The following GABBR2 variants were observed in gnomAD, a reference collection of about 807,000 sequenced individuals.
GABBR2 encodes G-protein coupled receptor 51.
A neutral mutation model predicts 105.6 loss-of-function variants in GABBR2; 23 were observed. The ratio of observed to expected loss-of-function variants is 0.22; its 90% CI spans 0.16 to 0.31. The LOEUF is 0.31. Ranked by LOEUF, GABBR2 falls within the 10% of genes least tolerant of loss-of-function variation. The pLI is 1.00. For missense variants in GABBR2, 734 were observed against 1,245.5 expected, an observed-to-expected ratio of 0.59 and a Z score of 6.18; for synonymous variants, 478 against 499.7, an observed-to-expected ratio of 0.96 and a Z score of 0.58.
intron 7 of GABBR2, among the ~76,000 whole-genome samples, chr9:98,415,908 C>G (rs1832682224): frequency 6.6e-6 from 1 of 152,132 alleles, no homozygotes; most frequent in African/African-American, 2.4e-5. Context: ...AGAAAATGAG[C>G]TCTCTGCAGG....
intron 7 of GABBR2, among the ~76,000 whole-genome samples, chr9:98,448,919 T>TAAAA (rs10623958): frequency 6.8e-6 from 1 of 146,496 alleles, no homozygotes. Context: ...GGAAAGAGTT[T>TAAAA]AAAAAAAAAA....
At chr9:98,440,213 T>A (rs56305554) in intron 7 of GABBR2, among the ~76,000 whole-genome samples, 75,073 of 151,454 alleles carry the variant, frequency 0.5, 19,255 homozygotes, top group East Asian at 0.89. Flanking sequence ...TTCTTGCTCT[T>A]GTTCTGTCCC....
chr9:98,679,331 T>C (rs940526501), intron 1 of GABBR2, among the ~76,000 whole-genome samples: 1 of 152,226 alleles, frequency 6.6e-6, no homozygotes, highest in African/African-American at 2.4e-5. Flanking sequence ...GAATGCTCTA[T>C]AAGGCAGCTG....
chr9:98,575,746 GTGTGGTTAGGTT>G (rs1828898000), intron 2 of GABBR2, among the ~76,000 whole-genome samples: 2 of 152,210 alleles, frequency 1.3e-5, no homozygotes, highest in African/African-American at 2.4e-5. Flanking sequence ...GCTTTCAGGT[GTGTGGTTAGGTT>G]TGTGGTTAGG....
chr9:98,635,542 A>G (rs1014521535), intron 1 of GABBR2, among the ~76,000 whole-genome samples: 1 of 152,204 alleles, frequency 6.6e-6, no homozygotes, highest in African/African-American at 2.4e-5. Context: ...GTCATACTCT[A>G]ACTTCAACAA....
intron 2 of GABBR2, among the ~76,000 whole-genome samples, chr9:98,563,820 T>C (rs1208399693): frequency 6.6e-6 from 1 of 152,154 alleles, no homozygotes; most frequent in African/African-American, 2.4e-5. Flanking sequence ...AATAATGTAA[T>C]CATCTTAGGA....
rs1473601352 is a variant in GABBR2, at chr9:98,549,254, A to G, written c.460-7211T>C. The stretch of plus-strand genomic sequence containing the variant: ...AGCCACTGTGCCTGGCTTCTTTTCC[A>G]TGTTTTGATAGTTTCAAAGGAAAGC... On this transcript the variant is annotated intron_variant, in intron 2 of 18. Transcript: ENST00000259455. Among the ~76,000 whole-genome samples the G allele has an allele frequency of 2.5e-5, 3 of 121,676 alleles. 1 individual carries two copies. Among genetic ancestry groups the G allele is most frequent in the South Asian group, 2.7e-4 (1 of 3,656 alleles). The allele number at this position is 121,676 out of a possible 152,430, so 79.8% of individuals were successfully genotyped here.
intron 7 of GABBR2, among the ~76,000 whole-genome samples, chr9:98,446,453 TTTAC>T (rs1439431161): frequency 3.9e-5 from 6 of 152,202 alleles, no homozygotes; most frequent in Non-Finnish European, 7.3e-5. Context: ...GTGACCTGTT[TTTAC>T]TTGACCTTTC....
chr9:98,387,734 C>G (rs889359532), intron 10 of GABBR2, among the ~76,000 whole-genome samples: 2 of 151,684 alleles, frequency 1.3e-5, no homozygotes, highest in Non-Finnish European at 2.9e-5. Flanking sequence ...TGAGAAAAGC[C>G]TAGGCAGCAT....
intron 1 of GABBR2, among the ~76,000 whole-genome samples, chr9:98,608,308 A>G (rs923678952): frequency 6.6e-6 from 1 of 152,160 alleles, no homozygotes; most frequent in Non-Finnish European, 1.5e-5. Context: ...GATGCCGTCA[A>G]TTGTCTAGGG....
At chr9:98,702,132 A>T (rs1378926198) in intron 1 of GABBR2, among the ~76,000 whole-genome samples, 1 of 152,084 alleles carries the variant, frequency 6.6e-6, no homozygotes, top group Non-Finnish European at 1.5e-5. Flanking sequence ...TGCCCAAATG[A>T]GGATACAAAC....
chr9:98,681,380 T>C (rs566738105), intron 1 of GABBR2, among the ~76,000 whole-genome samples: 2 of 87,036 alleles, frequency 2.3e-5, no homozygotes, highest in Non-Finnish European at 2.1e-5. Flanking sequence ...TAGGTGGGAA[T>C]TGAACAATGA....
rs898328223 is a variant in GABBR2, at chr9:98,388,316, G to C, written c.1529+538C>G. On this transcript the variant is annotated intron_variant, in intron 10 of 18. Transcript: ENST00000259455. This position sits in a 1 kb window ranked among gnomAD's most constrained non-coding sequence, Gnocchi z 4.4. Reference sequence around the variant, plus strand: ...AGGGCTTTTCTCTGTGAAATGAGGAGTTATCCGGAGGGTCATACGGGATGA... The same window carrying C: ...AGGGCTTTTCTCTGTGAAATGAGGACTTATCCGGAGGGTCATACGGGATGA... Among the ~76,000 whole-genome samples, 1 of 152,154 alleles carries C rather than the reference G, an allele frequency of 6.6e-6. No individual in the cohort carries two copies. The highest frequency in any genetic ancestry group is 2.4e-5 in the African/African-American group (1 of 41,422).
At chr9:98,667,656 ATC>A (rs557838787) in intron 1 of GABBR2, among the ~76,000 whole-genome samples, 10 of 152,038 alleles carry the variant, frequency 6.6e-5, no homozygotes, top group Non-Finnish European at 1.2e-4. Context: ...TGGCAGTTCA[ATC>A]TCTCTGTGCC....
chr9:98,407,893 C>G (rs1832518334), intron 7 of GABBR2, among the ~76,000 whole-genome samples: 1 of 152,076 alleles, frequency 6.6e-6, no homozygotes, highest in South Asian at 2.1e-4. Context: ...CTAAATATAA[C>G]TATTTTGTAC....
At chr9:98,700,518 C>G (rs571274741) in intron 1 of GABBR2, among the ~76,000 whole-genome samples, 1 of 152,244 alleles carries the variant, frequency 6.6e-6, no homozygotes, top group South Asian at 2.1e-4. Context: ...TCCTTCCTTC[C>G]CCGTCTCCTT....
At chr9:98,349,379 T>C (rs1381531687) in intron 13 of GABBR2, among the ~76,000 whole-genome samples, 14 of 110,618 alleles carry the variant, frequency 1.3e-4, no homozygotes, top group African/African-American at 2.2e-4. Flanking sequence ...TTTTTTTTTT[T>C]CGGGACAGAG....
intron 1 of GABBR2, among the ~76,000 whole-genome samples, chr9:98,582,183 A>T (rs1829012467): frequency 6.6e-6 from 1 of 152,246 alleles, no homozygotes; most frequent in Non-Finnish European, 1.5e-5. Context: ...TTAAATTATG[A>T]TACAGGTAAG....
At chr9:98,358,399 G>A (rs372705562) in intron 13 of GABBR2, among the ~76,000 whole-genome samples, 4 of 152,190 alleles carry the variant, frequency 2.6e-5, no homozygotes, top group East Asian at 1.9e-4. Flanking sequence ...TAAATGCAGC[G>A]GCCTCTGCCT....
Sources: allele counts gnomAD v4.1 joint callset (sites outside exome capture counted in the v4.1 genomes callset), GRCh38; gene constraint gnomAD v4.1.1; non-coding constraint Gnocchi (gnomAD v3.1); transcripts MANE v1.5; gene names NCBI Gene and HGNC (gene_info 2026-07-23, HGNC 2026-07-21).